CMIP: variants seen among roughly 807,000 people sequenced by gnomAD.
CMIP encodes the protein C-Maf-inducing protein.
A neutral mutation model predicts 97.3 loss-of-function variants in CMIP; 13 were observed. The ratio of observed to expected loss-of-function variants is 0.13; its 90% CI spans 0.09 to 0.21. The LOEUF is 0.21. Ranked by LOEUF, CMIP falls within the 10% of genes least tolerant of loss-of-function variation. CMIP has a pLI of 1.00. For synonymous variants in CMIP, 538 were observed against 436.3 expected (o/e 1.23, Z -2.91); for missense variants, 847 against 1,024.9 (o/e 0.83, Z 2.37).
At chr16:81,596,719 A>G (rs1257108813) in intron 1 of CMIP, among the ~76,000 whole-genome samples, 1 of 152,018 alleles carries the variant, frequency 6.6e-6, no homozygotes, top group African/African-American at 2.4e-5. Context: ...TAGGATCAAC[A>G]CCATGTCCTG....
At chr16:81,527,544 A>G (rs982228478) in intron 1 of CMIP, among the ~76,000 whole-genome samples, 8 of 152,330 alleles carry the variant, frequency 5.3e-5, no homozygotes, top group African/African-American at 1.9e-4. Context: ...CCACCAGGCT[A>G]TCAGTTGGAT....
At chr16:81,694,014 C>G (rs1457989442) in intron 13 of CMIP, among the ~76,000 whole-genome samples, 1 of 152,216 alleles carries the variant, frequency 6.6e-6, no homozygotes, top group African/African-American at 2.4e-5. Context: ...GGCAAGGAAG[C>G]CAGCCTGTAG....
chr16:81,594,607 AGTTTTT>A (rs1040177788), intron 1 of CMIP, among the ~76,000 whole-genome samples: 9 of 151,760 alleles, frequency 5.9e-5, no homozygotes, highest in South Asian at 2.1e-4. Context: ...CCTATGATAA[AGTTTTT>A]GTTTTTGTTT....
chr16:81,673,013 G>C (rs1385148639), intron 9 of CMIP, among the ~76,000 whole-genome samples: 1 of 152,208 alleles, frequency 6.6e-6, no homozygotes, highest in Non-Finnish European at 1.5e-5. Flanking sequence ...GATCATGTCA[G>C]AGGGTAAGAA....
intron 1 of CMIP, among the ~76,000 whole-genome samples, chr16:81,471,387 T>A (rs1175302112): frequency 6.6e-6 from 1 of 151,238 alleles, no homozygotes; most frequent in Admixed American, 6.7e-5. Context: ...CATGTGCATA[T>A]GCATATACAC....
intron 1 of CMIP, among the ~76,000 whole-genome samples, chr16:81,474,076 C>A (rs1286485217): frequency 1.3e-5 from 2 of 152,096 alleles, no homozygotes; most frequent in Non-Finnish European, 2.9e-5. Flanking sequence ...TTTAACCGGG[C>A]ACTCCTGGCT....
intron 3 of CMIP, among the ~76,000 whole-genome samples, chr16:81,626,557 G>A (rs1277479818): frequency 6.8e-6 from 1 of 147,696 alleles, no homozygotes; most frequent in Non-Finnish European, 1.5e-5. Context: ...GCATGTGTGT[G>A]TGGTGTGTGG....
At chr16:81,567,677 C>T (rs1293128690) in intron 1 of CMIP, among the ~76,000 whole-genome samples, 1 of 152,216 alleles carries the variant, frequency 6.6e-6, no homozygotes, top group Non-Finnish European at 1.5e-5. Context: ...ACGCCGCCCT[C>T]AGGACCCTCC....
intron 3 of CMIP, chr16:81,651,519 C>T (rs984601141): frequency 1.4e-5 from 4 of 279,050 alleles, no homozygotes; most frequent in Non-Finnish European, 2.2e-5. Context: ...CCTACCTGGC[C>T]GGAGTCTAAT....
chr16:81,591,665 C>A (rs1456907167), intron 1 of CMIP, among the ~76,000 whole-genome samples: 3 of 152,056 alleles, frequency 2.0e-5, no homozygotes, highest in Non-Finnish European at 4.4e-5. Flanking sequence ...TCCGGACCTT[C>A]TGGGCTGGGA....
intron 1 of CMIP, among the ~76,000 whole-genome samples, chr16:81,577,256 C>G (rs2150898654): frequency 6.6e-6 from 1 of 151,256 alleles, no homozygotes; most frequent in South Asian, 2.1e-4. Flanking sequence ...ATTATTATCA[C>G]TATCACCATC....
At chr16:81,643,056 C>A (rs1441636208) in intron 3 of CMIP, among the ~76,000 whole-genome samples, 1 of 152,220 alleles carries the variant, frequency 6.6e-6, no homozygotes, top group Non-Finnish European at 1.5e-5. Flanking sequence ...GTGGAAGACA[C>A]ATGTTAACCC....
intron 10 of CMIP, among the ~76,000 whole-genome samples, chr16:81,685,462 G>A (rs1343498699): frequency 6.6e-6 from 1 of 152,158 alleles, no homozygotes; most frequent in Non-Finnish European, 1.5e-5. Context: ...CTGATTGTGG[G>A]TGATTTCAAA....
chr16:81,547,263 G>A (rs1156741089), intron 1 of CMIP, among the ~76,000 whole-genome samples: 2 of 152,200 alleles, frequency 1.3e-5, no homozygotes, highest in African/African-American at 2.4e-5. Flanking sequence ...CGGCTGGGTC[G>A]TAGACCATGT....
At chr16:81,688,542 T>C (rs1192344759) in intron 10 of CMIP, among the ~76,000 whole-genome samples, 2 of 152,218 alleles carry the variant, frequency 1.3e-5, no homozygotes, top group Non-Finnish European at 2.9e-5. Context: ...TGTGCTCTTG[T>C]AAAGAGTAAA....
intron 1 of CMIP, among the ~76,000 whole-genome samples, chr16:81,469,791 A>G (rs879207766): frequency 6.6e-6 from 1 of 152,234 alleles, no homozygotes; most frequent in Admixed American, 6.5e-5. Flanking sequence ...ATGGGATAAT[A>G]ACACCCGACA....
At chr16:81,464,876 A>G (rs1907107571) in intron 1 of CMIP, 1 of 152,174 alleles carries the variant, frequency 6.6e-6, no homozygotes, top group Admixed American at 6.5e-5. Flanking sequence ...CATGTTTAGC[A>G]CATGCCAGAA....
chr16:81,622,609 A>C (rs145118995), intron 3 of CMIP, among the ~76,000 whole-genome samples: 25 of 152,220 alleles, frequency 1.6e-4, no homozygotes, highest in South Asian at 4.2e-4. Context: ...GACACGGCAG[A>C]ATGTACTTGG....
At chr16:81,531,121 G>A (rs1300685840) in intron 1 of CMIP, among the ~76,000 whole-genome samples, 1 of 136,506 alleles carries the variant, frequency 7.3e-6, no homozygotes, top group African/African-American at 2.6e-5. Context: ...TCATGCTGGA[G>A]GTCATGCGGG....
Sources: allele counts gnomAD v4.1 joint callset (sites outside exome capture counted in the v4.1 genomes callset), GRCh38; gene constraint gnomAD v4.1.1; transcripts MANE v1.5; gene names NCBI Gene and HGNC (gene_info 2026-07-23, HGNC 2026-07-21).